Variants in SFTPD observed in about 807,000 individuals in gnomAD.
SFTPD encodes the protein surfactant protein D.
A neutral mutation model predicts 34.6 loss-of-function variants in SFTPD; 18 were observed. The ratio of observed to expected loss-of-function variants is 0.52; its 90% CI spans 0.36 to 0.77. The LOEUF (loss-of-function observed/expected upper bound fraction) is 0.77. Ranked by LOEUF, SFTPD falls within the 30% of genes least tolerant of loss-of-function variation. The pLI, the probability that SFTPD is intolerant of heterozygous loss-of-function variation, is 0.00. For synonymous variants in SFTPD, 155 were observed against 180.9 expected, an observed-to-expected ratio of 0.86 and a Z score of 1.15; for missense variants, 433 against 468.9, an observed-to-expected ratio of 0.92 and a Z score of 0.71.
chr10:79,977,498 C>T (rs1170995395), intron 1 of SFTPD, among the ~76,000 whole-genome samples: 1 of 152,232 alleles, frequency 6.6e-6, no homozygotes, highest in Non-Finnish European at 1.5e-5. Flanking sequence ...ACACAGTGCT[C>T]ACACATGCAC....
chr10:79,950,180 T>A (rs926925789), upstream of SFTPD: 1 of 152,204 alleles, frequency 6.6e-6, no homozygotes, highest in African/African-American at 2.4e-5. Flanking sequence ...TTACTCCATT[T>A]ATTATCAAGG....
At chr10:79,941,582 C>T in intron 5 of SFTPD, 68 bp from the exon 6 acceptor site, 2 of 1,221,542 alleles carry the variant, frequency 1.6e-6, no homozygotes, top group South Asian at 2.9e-5. Context: ...GCATTTTTAC[C>T]TTCCCATACA....
chr10:79,982,286 C>A, intron 1 of SFTPD: 2 of 998,094 alleles, frequency 2.0e-6, no homozygotes, highest in Non-Finnish European at 2.6e-6. Context: ...CACCGCGGGG[C>A]GGTTCCCGGC....
At chr10:79,949,240 T>C (rs1842694095), upstream of SFTPD, 1 of 152,220 alleles carries the variant, frequency 6.6e-6, no homozygotes, top group Admixed American at 6.5e-5. Context: ...ACCTGCGTTC[T>C]GGAAACCTGC....
rs1842664820 is a variant in SFTPD at position 79,946,448 on chromosome 10, G to A, written c.199+13C>T. 6.2e-7 allele frequency: 1 copy of A among 1,605,866 alleles called. No individual in the cohort carries two copies. Among genetic ancestry groups the A allele is most frequent in the African/African-American group, 1.3e-5 (1 of 74,776 alleles). On this transcript the variant is annotated intron_variant, in intron 2 of 7. Coordinates refer to ENST00000372292, the MANE Select transcript of SFTPD (RefSeq NM_003019.5). ...TTCCTCCCCAGCAGGATAAGCCCAG[G>A]GCCCCACCCTACCTGGGTCCCCCTT...
intron 1 of SFTPD, among the ~76,000 whole-genome samples, chr10:79,967,691 A>C (rs1842810446): frequency 6.6e-6 from 1 of 151,932 alleles, no homozygotes. Flanking sequence ...TATTAATATA[A>C]GAAGACAGGA....
At chr10:79,949,767 T>C (rs566257449), upstream of SFTPD, among the ~76,000 whole-genome samples, 1 of 152,352 alleles carries the variant, frequency 6.6e-6, no homozygotes, top group African/African-American at 2.4e-5. Flanking sequence ...CCTGCCATCT[T>C]AGCTGGTGTT....
upstream of SFTPD, among the ~76,000 whole-genome samples, chr10:79,951,969 C>T (rs114092396): frequency 2.4e-3 from 368 of 152,314 alleles, no homozygotes; most frequent in African/African-American, 8.1e-3. Flanking sequence ...AGCTCCACAT[C>T]CTGGGAAGGC....
chr10:79,965,426 A>G (rs974922706), intron 1 of SFTPD, among the ~76,000 whole-genome samples: 17 of 151,750 alleles, frequency 1.1e-4, no homozygotes, highest in Admixed American at 2.0e-4. Flanking sequence ...AGGTTCCCAC[A>G]TCGCCCCTAA....
chr10:79,956,910 C>A (rs1483668554), intron 1 of SFTPD, among the ~76,000 whole-genome samples: 1 of 152,162 alleles, frequency 6.6e-6, no homozygotes, highest in Non-Finnish European at 1.5e-5. Context: ...CCAGTAGGGA[C>A]AGACTGACAC....
chr10:79,961,251 C>G (rs1407660780), intron 1 of SFTPD, among the ~76,000 whole-genome samples: 1 of 152,098 alleles, frequency 6.6e-6, no homozygotes, highest in Non-Finnish European at 1.5e-5. Flanking sequence ...GACTTCATGT[C>G]TAAAACACCA....
chr10:79,941,192 A>AG, intron 6 of SFTPD, among the ~76,000 whole-genome samples: 1 of 152,332 alleles, frequency 6.6e-6, no homozygotes, highest in East Asian at 1.9e-4. Flanking sequence ...GAAGCTGCCC[A>AG]GGTTGCTTTC....
chr10:79,967,816 T>C (rs1842811322), intron 1 of SFTPD, among the ~76,000 whole-genome samples: 4 of 152,082 alleles, frequency 2.6e-5, no homozygotes, highest in African/African-American at 9.7e-5. Flanking sequence ...TGACATTACA[T>C]TGTGAAATTC....
At chr10:79,962,123 C>G (rs1257581727) in intron 1 of SFTPD, among the ~76,000 whole-genome samples, 1 of 120,256 alleles carries the variant, frequency 8.3e-6, no homozygotes, top group East Asian at 2.8e-4. Flanking sequence ...GGAAGGGGAA[C>G]ATCACACTGT....
intron 2 of SFTPD, among the ~76,000 whole-genome samples, chr10:79,945,724 T>C (rs12768733): frequency 0.029 from 4,477 of 152,210 alleles, 95 homozygotes; most frequent in Non-Finnish European, 0.044. Flanking sequence ...CACTGGGTGG[T>C]AGATATCATT....
At chr10:79,942,099 C>T (rs1386389234) in intron 4 of SFTPD, 29 bp from the exon 5 acceptor site, 1 of 1,501,572 alleles carries the variant, frequency 6.7e-7, no homozygotes, top group South Asian at 1.1e-5. Flanking sequence ...GGAACAAACA[C>T]AGCTAAGAGC....
chr10:79,974,486 C>T (rs796235061), intron 1 of SFTPD, among the ~76,000 whole-genome samples: 19 of 152,224 alleles, frequency 1.2e-4, no homozygotes, highest in African/African-American at 4.6e-4. Flanking sequence ...AGAGATGAGA[C>T]AGTCTAGTAT....
At chr10:79,981,703 G>C (rs1175949509) in intron 1 of SFTPD, 1 of 153,916 alleles carries the variant, frequency 6.5e-6, no homozygotes, top group Non-Finnish European at 1.4e-5. Flanking sequence ...CGCCGGCGGA[G>C]TCTGGGCAGG....
chr10:79,941,873 G>A (rs1842615407), intron 5 of SFTPD, 81 bp downstream of exon 5: 1 of 884,194 alleles, frequency 1.1e-6, no homozygotes, highest in Non-Finnish European at 1.9e-6. Flanking sequence ...TGTGGGTGGT[G>A]GAGGGGGTGT....
Sources: gnomAD v4.1 joint callset for allele counts (sites outside exome capture counted in the v4.1 genomes callset) on GRCh38, gnomAD v4.1.1 for gene constraint, MANE v1.5 for transcripts, NCBI Gene and HGNC (gene_info 2026-07-23, HGNC 2026-07-21) for gene names.